The following SPATA7 variants were observed in gnomAD, a reference collection of about 807,000 sequenced individuals.
SPATA7 encodes the protein spermatogenesis-associated protein 7.
Under a neutral mutation model 51.8 loss-of-function variants are expected in SPATA7, and 43 were observed. The ratio of observed to expected loss-of-function variants is 0.83; its 90% CI spans 0.65 to 1.07. SPATA7 has a LOEUF of 1.07. Among genes scored for constraint, SPATA7 ranks in the 50% least tolerant of loss-of-function variants. SPATA7 has a pLI of 0.00. For synonymous variants in SPATA7, 230 were observed against 252.8 expected, an observed-to-expected ratio of 0.91 and a Z score of 0.86; for missense variants, 683 against 701.3, an observed-to-expected ratio of 0.97 and a Z score of 0.30.
intron 2 of SPATA7, among the ~76,000 whole-genome samples, chr14:88,392,740 T>C (rs2075777646): frequency 6.6e-6 from 1 of 152,194 alleles, no homozygotes; most frequent in South Asian, 2.1e-4. Context: ...AAAACTGTTT[T>C]TAATGTTTAA....
chr14:88,436,385 A>G (rs1288958053), intron 10 of SPATA7, among the ~76,000 whole-genome samples: 1 of 151,978 alleles, frequency 6.6e-6, no homozygotes, highest in African/African-American at 2.4e-5. Context: ...TTGTCTCTTC[A>G]CTTTGTTGGT....
chr14:88,416,640 T>TA, intron 4 of SPATA7, 71 bp from the exon 5 acceptor site: 1 of 1,402,482 alleles, frequency 7.1e-7, no homozygotes, highest in Non-Finnish European at 1.0e-6. Context: ...TTCCATTTAT[T>TA]ACTCTAACAA....
intron 3 of SPATA7, among the ~76,000 whole-genome samples, chr14:88,450,927 C>T (rs1360113411): frequency 6.6e-6 from 1 of 152,126 alleles, no homozygotes; most frequent in Non-Finnish European, 1.5e-5. Flanking sequence ...TCCTCAGGAA[C>T]ACCAATTATT....
At chr14:88,465,893 ATT>A (rs886447318) in intron 4 of SPATA7, 1 of 152,182 alleles carries the variant, frequency 6.6e-6, no homozygotes, top group Non-Finnish European at 1.5e-5. Flanking sequence ...TAAGAGTAAT[ATT>A]AAACAGTAAT....
chr14:88,425,380 G>C (rs1423050565), intron 5 of SPATA7, among the ~76,000 whole-genome samples: 1 of 151,910 alleles, frequency 6.6e-6, no homozygotes, highest in African/African-American at 2.4e-5. Flanking sequence ...GATATAATTG[G>C]CTAAATCCTA....
At chr14:88,398,514 GA>G (rs1405302997) in intron 4 of SPATA7, among the ~76,000 whole-genome samples, 9 of 149,460 alleles carry the variant, frequency 6.0e-5, no homozygotes, top group African/African-American at 2.2e-4. Context: ...AGCATTGGGA[GA>G]TATACCTAAT....
intron 4 of SPATA7, among the ~76,000 whole-genome samples, chr14:88,414,325 G>C (rs1190814610): frequency 6.6e-6 from 1 of 151,978 alleles, no homozygotes. Context: ...ATTTCCTCTA[G>C]ATTTCCTAGT....
At chr14:88,437,755 A>G (rs1595302971) in intron 11 of SPATA7, 83 bp from the exon 12 acceptor site, 1 of 1,414,878 alleles carries the variant, frequency 7.1e-7, no homozygotes, top group South Asian at 1.3e-5. Flanking sequence ...GAAAAGTATT[A>G]ATCCTGTGAG....
chr14:88,442,819 G>A (rs180907930), downstream of SPATA7, among the ~76,000 whole-genome samples: 5 of 152,012 alleles, frequency 3.3e-5, no homozygotes, highest in East Asian at 9.7e-4. Flanking sequence ...GATTTAGGGA[G>A]GATTCCCTCT....
exon 5 of SPATA7, chr14:88,470,130 TAAA>T: frequency 7.0e-7 from 1 of 1,434,740 alleles, no homozygotes; most frequent in Non-Finnish European, 9.5e-7. Flanking sequence ...ATGGTAGTAC[TAAA>T]AAAGTTTTTT....
intron 5 of SPATA7, among the ~76,000 whole-genome samples, chr14:88,425,153 A>G (rs1268658570): frequency 6.6e-6 from 1 of 152,172 alleles, no homozygotes; most frequent in African/African-American, 2.4e-5. Flanking sequence ...ACTACCTCTC[A>G]GAAGTTGATG....
intron 1 of SPATA7, among the ~76,000 whole-genome samples, chr14:88,387,983 T>C (rs975669989): frequency 1.7e-4 from 26 of 152,116 alleles, no homozygotes; most frequent in Admixed American, 1.6e-3. Flanking sequence ...GGTGGATCAC[T>C]TGAGGTCAGG....
Position 88,469,107 on chromosome 14 carries a change from T to C in SPATA7, c.255-740T>C. The C allele has an allele frequency of 6.3e-7, 1 of 1,589,550 alleles. No homozygotes were observed. Among genetic ancestry groups the C allele is most frequent in the Non-Finnish European group, 8.6e-7 (1 of 1,162,400 alleles). Reference sequence around the variant, plus strand: ...GAAAATCAATGAAATAGAAAAGTACTCAAGGATCAAGGCGTATCACATTGT... The same window carrying C: ...GAAAATCAATGAAATAGAAAAGTACCCAAGGATCAAGGCGTATCACATTGT... On this transcript the variant is annotated intron_variant, in intron 4 of 4. Coordinates refer to the SPATA7 transcript ENST00000556406. The surrounding 1 kb of genome is among the most constrained non-coding windows in gnomAD (Gnocchi z 4.3).
chr14:88,464,439 TCTGA>T (rs1161270479), intron 4 of SPATA7, among the ~76,000 whole-genome samples: 1 of 152,162 alleles, frequency 6.6e-6, no homozygotes, highest in African/African-American at 2.4e-5. Context: ...CTTTAAAAAG[TCTGA>T]CTTACAGTCA....
At chr14:88,407,852 T>G (rs2076238768) in intron 4 of SPATA7, among the ~76,000 whole-genome samples, 1 of 152,190 alleles carries the variant, frequency 6.6e-6, no homozygotes, top group South Asian at 2.1e-4. Context: ...CAACACTGTT[T>G]GTTAAATAGG....
chr14:88,398,152 A>G (rs2075947320), intron 4 of SPATA7, among the ~76,000 whole-genome samples: 1 of 152,148 alleles, frequency 6.6e-6, no homozygotes, highest in Non-Finnish European at 1.5e-5. Flanking sequence ...TGATTGTCGT[A>G]TTAATCATAT....
chr14:88,403,136 C>G (rs1221794410), intron 4 of SPATA7, among the ~76,000 whole-genome samples: 3 of 152,076 alleles, frequency 2.0e-5, no homozygotes, highest in Non-Finnish European at 2.9e-5. Flanking sequence ...TCACTCACAC[C>G]TGTGAGAATG....
chr14:88,385,788 T>C lies in SPATA7; in HGVS notation c.-31T>C. ...GGGAAGGACCGAAGGGGATACAGCG[T>C]GTCCCTGCGGCGGCTGCAAGAGGAC... On this transcript the variant is annotated 5_prime_UTR_variant, in exon 1 of 12. Transcript: ENST00000393545. 1 of 1,597,136 alleles carries C rather than the reference T, an allele frequency of 6.3e-7. No individual in the cohort carries two copies. Among genetic ancestry groups the C allele is most frequent in the Non-Finnish European group, 8.5e-7 (1 of 1,170,062 alleles).
intron 4 of SPATA7, among the ~76,000 whole-genome samples, chr14:88,412,222 C>CTT (rs58818266): frequency 1.5e-5 from 2 of 135,026 alleles, no homozygotes; most frequent in African/African-American, 5.7e-5. Flanking sequence ...TTTCTTCTTG[C>CTT]TTTTTTTTTT....
Sources: allele counts gnomAD v4.1 joint callset (sites outside exome capture counted in the v4.1 genomes callset), GRCh38; gene constraint gnomAD v4.1.1; non-coding constraint Gnocchi (gnomAD v3.1); transcripts MANE v1.5; gene names NCBI Gene and HGNC (gene_info 2026-07-23, HGNC 2026-07-21).